Variants in CAMK2D observed in about 807,000 individuals in gnomAD.
CAMK2D encodes calcium/calmodulin dependent protein kinase II delta.
A neutral mutation model predicts 84.0 loss-of-function variants in CAMK2D; 37 were observed. The ratio of observed to expected loss-of-function variants is 0.44; its 90% CI spans 0.34 to 0.58. The LOEUF (loss-of-function observed/expected upper bound fraction) is 0.58, where lower values mean the gene tolerates loss of function less well. CAMK2D is among the 20% of genes least tolerant of loss of function. The pLI is 0.02. For synonymous variants in CAMK2D, 202 were observed against 212.5 expected (o/e 0.95, Z 0.43); for missense variants, 448 against 652.5 (o/e 0.69, Z 3.41).
At chr4:113,655,587 T>C (rs956763025) in intron 3 of CAMK2D, among the ~76,000 whole-genome samples, 10 of 152,072 alleles carry the variant, frequency 6.6e-5, no homozygotes, top group Admixed American at 5.9e-4. Flanking sequence ...TTTCAAAAAA[T>C]TACCTTGCTC....
intron 10 of CAMK2D, among the ~76,000 whole-genome samples, chr4:113,514,394 C>A (rs2154167048): frequency 6.6e-6 from 1 of 152,222 alleles, no homozygotes; most frequent in East Asian, 1.9e-4. Context: ...GCCTGGGTGA[C>A]AAGAGCAAGA....
intron 2 of CAMK2D, among the ~76,000 whole-genome samples, chr4:113,667,332 T>G (rs1264527372): frequency 6.6e-6 from 1 of 152,142 alleles, no homozygotes; most frequent in African/African-American, 2.4e-5. Context: ...TGCCCCTTCT[T>G]TTTTCACAAT....
At chr4:113,626,013 CA>C (rs111374173) in intron 3 of CAMK2D, among the ~76,000 whole-genome samples, 9,704 of 120,124 alleles carry the variant, frequency 0.081, 339 homozygotes, top group East Asian at 0.17. Flanking sequence ...GATATCATCT[CA>C]AAAAAAAAAA....
chr4:113,491,408 T>A (rs1197401531), intron 16 of CAMK2D, among the ~76,000 whole-genome samples: 1 of 146,634 alleles, frequency 6.8e-6, no homozygotes, highest in Non-Finnish European at 1.5e-5. Context: ...AATCATGTGG[T>A]TTTTGTCTTT....
intron 6 of CAMK2D, among the ~76,000 whole-genome samples, chr4:113,543,815 A>C (rs895048138): frequency 6.8e-6 from 1 of 147,044 alleles, no homozygotes; most frequent in East Asian, 1.9e-4. Context: ...TTTTTGAGAC[A>C]GAGTCTCGCT....
chr4:113,629,092 T>C (rs1207561497), intron 3 of CAMK2D, among the ~76,000 whole-genome samples: 2 of 152,132 alleles, frequency 1.3e-5, no homozygotes, highest in Admixed American at 6.6e-5. Context: ...TAATGATTTT[T>C]ATCTGCAGCA....
At chr4:113,754,827 T>C in intron 2 of CAMK2D, 1 of 984,300 alleles carries the variant, frequency 1.0e-6, no homozygotes. Flanking sequence ...TACAAAATAA[T>C]AAGGATGACA....
At chr4:113,635,301 A>G (rs1173086770) in intron 3 of CAMK2D, among the ~76,000 whole-genome samples, 2 of 152,200 alleles carry the variant, frequency 1.3e-5, no homozygotes, top group East Asian at 3.8e-4. Flanking sequence ...GTGATATATT[A>G]TAATAATTTG....
intron 4 of CAMK2D, among the ~76,000 whole-genome samples, chr4:113,554,181 G>C (rs1403589761): frequency 6.6e-6 from 1 of 152,038 alleles, no homozygotes; most frequent in Non-Finnish European, 1.5e-5. Flanking sequence ...TGTTATGTTA[G>C]CATCTAACCT....
chr4:113,634,290 A>G (rs1459558425), intron 3 of CAMK2D, among the ~76,000 whole-genome samples: 1 of 152,190 alleles, frequency 6.6e-6, no homozygotes, highest in Non-Finnish European at 1.5e-5. Context: ...GTTCTGACAT[A>G]TTTATTCAGG....
chr4:113,646,770 C>T (rs991417020), intron 3 of CAMK2D, among the ~76,000 whole-genome samples: 2 of 152,174 alleles, frequency 1.3e-5, no homozygotes, highest in Admixed American at 6.5e-5. Flanking sequence ...GCCATCCCCT[C>T]GTTCTCTGAG....
chr4:113,559,349 G>T (rs1347618658), intron 4 of CAMK2D, among the ~76,000 whole-genome samples: 1 of 152,104 alleles, frequency 6.6e-6, no homozygotes, highest in Non-Finnish European at 1.5e-5. Flanking sequence ...ATATGGACAT[G>T]ATTATTTTTA....
At chr4:113,576,603 A>G (rs2098783907) in intron 4 of CAMK2D, among the ~76,000 whole-genome samples, 1 of 152,160 alleles carries the variant, frequency 6.6e-6, no homozygotes, top group Non-Finnish European at 1.5e-5. Flanking sequence ...ATGATTATTA[A>G]TCTTAATTTA....
chr4:113,641,965 A>G (rs1210642773), intron 3 of CAMK2D, among the ~76,000 whole-genome samples: 1 of 152,130 alleles, frequency 6.6e-6, no homozygotes, highest in Non-Finnish European at 1.5e-5. Flanking sequence ...AGTCAAGATC[A>G]TGCCACTGCA....
At chr4:113,530,412 G>A (rs1476579864) in intron 8 of CAMK2D, among the ~76,000 whole-genome samples, 1 of 152,274 alleles carries the variant, frequency 6.6e-6, no homozygotes, top group East Asian at 1.9e-4. Flanking sequence ...GGCAATCAAC[G>A]TTGGCACTCA....
chr4:113,518,346 A>C (rs1468866166), intron 8 of CAMK2D, among the ~76,000 whole-genome samples: 1 of 152,218 alleles, frequency 6.6e-6, no homozygotes, highest in Admixed American at 6.5e-5. Flanking sequence ...GCTGTAATAA[A>C]ATTTGCTAAA....
intron 2 of CAMK2D, among the ~76,000 whole-genome samples, chr4:113,699,451 T>C (rs1044147618): frequency 2.6e-5 from 4 of 152,148 alleles, no homozygotes; most frequent in Non-Finnish European, 5.9e-5. Flanking sequence ...AGGTCGGCTC[T>C]CACAGAACAT....
At chr4:113,495,969 A>G (rs894888886) in intron 16 of CAMK2D, among the ~76,000 whole-genome samples, 1 of 152,204 alleles carries the variant, frequency 6.6e-6, no homozygotes, top group Non-Finnish European at 1.5e-5. Context: ...CAGATGGACC[A>G]TATGGACATG....
At chr4:113,607,338 C>CAGAAGT (rs1244610633) in intron 4 of CAMK2D, among the ~76,000 whole-genome samples, 2 of 152,128 alleles carry the variant, frequency 1.3e-5, no homozygotes, top group African/African-American at 4.8e-5. Context: ...TAGGATTGTG[C>CAGAAGT]AGAAGTAGCG....
Sources: allele counts gnomAD v4.1 joint callset (sites outside exome capture counted in the v4.1 genomes callset), GRCh38; gene constraint gnomAD v4.1.1; transcripts MANE v1.5; gene names NCBI Gene and HGNC (gene_info 2026-07-23, HGNC 2026-07-21).